The following PRKCE variants were observed in gnomAD, a reference collection of about 807,000 sequenced individuals.
PRKCE encodes protein kinase C epsilon, also known as protein kinase C epsilon type.
Under a neutral mutation model 85.4 loss-of-function variants are expected in PRKCE, and 16 were observed. That is an observed-to-expected ratio of 0.19 (90% CI 0.13 to 0.28). PRKCE has a LOEUF of 0.28. PRKCE is among the 10% of genes least tolerant of loss of function. The pLI is 1.00. For synonymous variants in PRKCE, 388 were observed against 371.5 expected (o/e 1.04, Z -0.51); for missense variants, 573 against 975.2 (o/e 0.59, Z 5.49).
chr2:45,772,544 C>T (rs1330767724), intron 1 of PRKCE, among the ~76,000 whole-genome samples: 1 of 152,176 alleles, frequency 6.6e-6, no homozygotes, highest in Non-Finnish European at 1.5e-5. Context: ...TGACCATCTC[C>T]TGGGTACTCT....
intron 2 of PRKCE, among the ~76,000 whole-genome samples, chr2:45,911,968 G>C (rs1697412636): frequency 6.6e-6 from 1 of 151,964 alleles, no homozygotes; most frequent in South Asian, 2.1e-4. Context: ...TTATTGTGTT[G>C]TTGTTGTCTT....
At chr2:45,686,875 T>C (rs1192716264) in intron 1 of PRKCE, among the ~76,000 whole-genome samples, 2 of 152,152 alleles carry the variant, frequency 1.3e-5, no homozygotes, top group Non-Finnish European at 2.9e-5. Context: ...CAGTGAAGAA[T>C]GGTAGATTAT....
intron 2 of PRKCE, among the ~76,000 whole-genome samples, chr2:45,951,605 T>C (rs149531456): frequency 2.8e-4 from 42 of 152,296 alleles, no homozygotes; most frequent in Middle Eastern, 3.4e-3. Context: ...CTAGGACCAA[T>C]GCAGCATCTC....
chr2:46,132,802 A>T (rs1441029507), intron 11 of PRKCE, among the ~76,000 whole-genome samples: 2 of 152,204 alleles, frequency 1.3e-5, no homozygotes, highest in Non-Finnish European at 2.9e-5. Flanking sequence ...CAAATGTAAG[A>T]CTTCTTTTTT....
intron 2 of PRKCE, among the ~76,000 whole-genome samples, chr2:45,965,788 C>T (rs537069394): frequency 2.6e-4 from 39 of 151,996 alleles, no homozygotes; most frequent in African/African-American, 9.4e-4. Context: ...TGAGTGTATT[C>T]TTTTTTTCTC....
chr2:46,082,283 G>T (rs1047754184), intron 10 of PRKCE, among the ~76,000 whole-genome samples: 34 of 152,112 alleles, frequency 2.2e-4, no homozygotes, highest in African/African-American at 7.2e-4. Context: ...CATGATGGTG[G>T]TAGAGAGAGA....
At chr2:45,721,767 C>T (rs1244743840) in intron 1 of PRKCE, among the ~76,000 whole-genome samples, 3 of 151,722 alleles carry the variant, frequency 2.0e-5, no homozygotes, top group African/African-American at 7.3e-5. Context: ...GTTCTAGCTA[C>T]TTGGGAGGTT....
chr2:45,744,870 AAGTGCTGGGATTAT>A (rs1303956508), intron 1 of PRKCE, among the ~76,000 whole-genome samples: 1 of 152,110 alleles, frequency 6.6e-6, no homozygotes, highest in East Asian at 1.9e-4. Flanking sequence ...TGGCCTCCCA[AAGTGCTGGGATTAT>A]AGGCGTGAGC....
At chr2:46,129,318 G>A (rs965667369) in intron 11 of PRKCE, among the ~76,000 whole-genome samples, 9 of 152,182 alleles carry the variant, frequency 5.9e-5, no homozygotes, top group African/African-American at 2.2e-4. Flanking sequence ...GGGGCCCATG[G>A]CAGGTGCTCA....
chr2:45,693,565 G>A (rs910959455), intron 1 of PRKCE, among the ~76,000 whole-genome samples: 1 of 152,196 alleles, frequency 6.6e-6, no homozygotes, highest in African/African-American at 2.4e-5. Flanking sequence ...CACCCAGCAG[G>A]GCTGGGTCCT....
At chr2:45,755,917 T>G (rs1683964768) in intron 1 of PRKCE, among the ~76,000 whole-genome samples, 1 of 152,096 alleles carries the variant, frequency 6.6e-6, no homozygotes, top group Non-Finnish European at 1.5e-5. Context: ...CTCGGAGAAT[T>G]GGAGAAGGTA....
chr2:45,754,778 C>T (rs182594571), intron 1 of PRKCE, among the ~76,000 whole-genome samples: 38 of 152,326 alleles, frequency 2.5e-4, no homozygotes, highest in Admixed American at 2.5e-3. Context: ...GGCTGACGTG[C>T]ATTGGAAGGC....
At chr2:45,875,443 A>G (rs1459147684) in intron 2 of PRKCE, among the ~76,000 whole-genome samples, 1 of 152,238 alleles carries the variant, frequency 6.6e-6, no homozygotes, top group Non-Finnish European at 1.5e-5. Flanking sequence ...ATGTTGAAAC[A>G]TCAGAGTCCA....
At chr2:45,958,001 G>T (rs1701088354) in intron 2 of PRKCE, among the ~76,000 whole-genome samples, 1 of 151,000 alleles carries the variant, frequency 6.6e-6, no homozygotes, top group African/African-American at 2.4e-5. Context: ...CCCAGAGCTG[G>T]CCTGCTGAAT....
At chr2:45,735,607 G>T (rs574861493) in intron 1 of PRKCE, among the ~76,000 whole-genome samples, 2 of 152,330 alleles carry the variant, frequency 1.3e-5, no homozygotes, top group Admixed American at 1.3e-4. Context: ...GTGAGTGTTG[G>T]CTCTTAGCAG....
intron 1 of PRKCE, among the ~76,000 whole-genome samples, chr2:45,726,433 C>T (rs898851752): frequency 1.3e-5 from 2 of 152,176 alleles, no homozygotes; most frequent in Non-Finnish European, 2.9e-5. Context: ...CAGCTGTCAA[C>T]ATCGAGGCAC....
chr2:46,075,483 G>A (rs994066776), intron 10 of PRKCE, among the ~76,000 whole-genome samples: 1 of 152,078 alleles, frequency 6.6e-6, no homozygotes, highest in Non-Finnish European at 1.5e-5. Flanking sequence ...GCTCACACCT[G>A]TAATCCCAGC....
chr2:45,949,192 C>G (rs1339868477), intron 2 of PRKCE, among the ~76,000 whole-genome samples: 1 of 152,150 alleles, frequency 6.6e-6, no homozygotes, highest in African/African-American at 2.4e-5. Context: ...TGTGTGATTG[C>G]TTATCAACAT....
At chr2:45,754,995 C>T (rs1044457255) in intron 1 of PRKCE, among the ~76,000 whole-genome samples, 4 of 152,156 alleles carry the variant, frequency 2.6e-5, no homozygotes, top group African/African-American at 7.2e-5. Flanking sequence ...AAGACTACGG[C>T]GTAGATACTG....
Sources: gnomAD v4.1 joint callset for allele counts (sites outside exome capture counted in the v4.1 genomes callset) on GRCh38, gnomAD v4.1.1 for gene constraint, MANE v1.5 for transcripts, NCBI Gene and HGNC (gene_info 2026-07-23, HGNC 2026-07-21) for gene names.